The following PRMT2 variants were observed in gnomAD, a reference collection of about 807,000 sequenced individuals.
PRMT2 encodes protein arginine methyltransferase 2.
PRMT2 carries 26 observed loss-of-function variants against 57.6 expected under a neutral mutation model. The ratio of observed to expected loss-of-function variants is 0.45; its 90% CI spans 0.33 to 0.63. PRMT2 has a LOEUF of 0.63. Ranked by LOEUF, PRMT2 falls within the 20% of genes least tolerant of loss-of-function variation. The pLI is 0.02. For missense variants in PRMT2, 472 were observed against 564.4 expected, an observed-to-expected ratio of 0.84 and a Z score of 1.66; for synonymous variants, 219 against 220.0, an observed-to-expected ratio of 1.00 and a Z score of 0.04.
At position 46,648,719 on chromosome 21, in the gene PRMT2, G is replaced by T. The variant is rs2148981329; in HGVS notation, c.489+100G>T. The T allele has an allele frequency of 6.9e-7, 1 of 1,450,356 alleles. No homozygotes were observed. Among genetic ancestry groups the T allele is most frequent in the East Asian group, 2.3e-5 (1 of 43,714 alleles). The allele number at this position is 1,450,356 out of a possible 1,614,324, so 89.8% of individuals were successfully genotyped here. A position where few individuals can be genotyped will look rare whatever the true frequency, so the allele number is the denominator to read the frequency against. On this transcript the variant is annotated intron_variant, in intron 6 of 11. Coordinates refer to ENST00000355680, the MANE Select transcript of PRMT2 (RefSeq NM_206962.4). This position sits in a 1 kb window ranked among gnomAD's most constrained non-coding sequence, Gnocchi z 4.8. ...TGACTTGTGACCCTGAGCTGTTGGG[G>T]GCTCACCGGTGACTCCATGGTCTTG... is the stretch of plus-strand genomic sequence containing the variant.
At chr21:46,647,914 G>A (rs755127885) in intron 5 of PRMT2, among the ~76,000 whole-genome samples, 4 of 152,070 alleles carry the variant, frequency 2.6e-5, no homozygotes, top group Non-Finnish European at 4.4e-5. Flanking sequence ...CCAGTGCTTC[G>A]TCATTTCCAT....
rs751541060 is a variant in PRMT2, at chr21:46,648,425, C to T, written c.328-33C>T. 1.2e-6 allele frequency: 2 copies of T among 1,610,210 alleles called. No individual in the cohort carries two copies. The highest frequency in any genetic ancestry group is 1.1e-5 in the South Asian group (1 of 90,556). On this transcript the variant is annotated intron_variant, in intron 5 of 11. Coordinates refer to ENST00000355680, the MANE Select transcript of PRMT2 (RefSeq NM_206962.4). The surrounding 1 kb of genome is among the most constrained non-coding windows in gnomAD (Gnocchi z 4.8). ...CAGACCTCAGCATGGCTCTAGGTCACAGGCAGTGATTCTGAATGTGCATTT... is the reference window on the plus strand; with the variant it reads ...CAGACCTCAGCATGGCTCTAGGTCATAGGCAGTGATTCTGAATGTGCATTT...
intron 3 of PRMT2, among the ~76,000 whole-genome samples, chr21:46,639,303 AAAGACTATGTAT>A (rs1391064853): frequency 3.9e-5 from 6 of 152,298 alleles, no homozygotes; most frequent in African/African-American, 1.4e-4. Context: ...GAGTACTTGC[AAAGACTATGTAT>A]TCTGCAGTTG....
rs141644343 is a variant in PRMT2 at position 46,656,910 on chromosome 21, A to T, written c.655-1835A>T. 3.7e-3 allele frequency: 558 copies of T among 152,360 alleles called. 2 individuals carry two copies. The highest frequency in any genetic ancestry group is 0.013 in the African/African-American group (526 of 41,576). 9.4% of individuals were successfully genotyped at this position (152,360 alleles called of 1,614,324 possible). A position where few individuals can be genotyped will look rare whatever the true frequency, so the allele number is the denominator to read the frequency against. ...AGCTAAGATTAGGAGAAAATATTGC[A>T]AAGAACATATCCAGTGTGTGTTCTG... is the stretch of plus-strand genomic sequence containing the variant. On this transcript the variant is annotated intron_variant, in intron 7 of 11. Transcript: ENST00000355680.
At chr21:46,640,337 G>T (rs562843169) in intron 3 of PRMT2, among the ~76,000 whole-genome samples, 44 of 150,540 alleles carry the variant, frequency 2.9e-4, no homozygotes, top group Non-Finnish European at 5.6e-4. Flanking sequence ...CTTGCATTCT[G>T]TGTTTTCATG....
chr21:46,650,890 T>C (rs552730396), intron 7 of PRMT2, among the ~76,000 whole-genome samples: 163 of 152,302 alleles, frequency 1.1e-3, no homozygotes, highest in African/African-American at 3.4e-3. Context: ...AGTGGCCGGA[T>C]TGGCCAGACT....
chr21:46,641,123 C>CAAA (rs55728457), intron 3 of PRMT2, among the ~76,000 whole-genome samples: 9,861 of 104,232 alleles, frequency 0.095, 830 homozygotes, highest in African/African-American at 0.14. Context: ...GACCTCATCT[C>CAAA]AAAAAAAAAA....
rs771073046 is a variant in PRMT2, at chr21:46,649,604, A to G, written c.519A>G (p.Ala173=). 3 of 1,614,072 alleles carry G rather than the reference A, an allele frequency of 1.9e-6. No homozygotes were observed. In the African/African-American group the frequency reaches 4.0e-5, roughly 22 times the overall value. ...AVYAVEASEM[A]QHTGQLVLQN... ...ACGCGGTGGAGGCCAGTGAGATGGC[A>G]CAGCACACGGGGCAGCTGGTCCTGC... Residue 173 remains alanine, a synonymous_variant, in exon 7 of 12, where the codon GCA becomes GCG. Transcript: ENST00000355680. This position sits in a 1 kb window ranked among gnomAD's most constrained non-coding sequence, Gnocchi z 4.8.
chr21:46,653,071 A>G lies in PRMT2; in HGVS notation c.654+3332A>G, dbSNP rs866880904. On this transcript the variant is annotated intron_variant, in intron 7 of 11. Coordinates refer to ENST00000355680, the MANE Select transcript of PRMT2 (RefSeq NM_206962.4). The stretch of plus-strand genomic sequence containing the variant: ...TGTTGTTAGTGTATTCGTGCTGTCA[A>G]TATGTGATGAGGACATATTATATTC... 13 of 1,075,418 alleles carry G rather than the reference A, an allele frequency of 1.2e-5. No homozygotes were observed. The Middle Eastern group carries it at 1.2e-3, about 98-fold the overall frequency. 66.6% of individuals were successfully genotyped at this position (1,075,418 alleles called of 1,614,324 possible). A position where few individuals can be genotyped will look rare whatever the true frequency, so the allele number is the denominator to read the frequency against.
At chr21:46,653,236 T>A in intron 7 of PRMT2, 1 of 985,386 alleles carries the variant, frequency 1.0e-6, no homozygotes, top group Non-Finnish European at 1.2e-6. Flanking sequence ...CACAGCCTTG[T>A]ACTGTTTTAT....
intron 9 of PRMT2, chr21:46,661,506 G>A (rs1413998698): frequency 2.0e-5 from 5 of 246,208 alleles, no homozygotes; most frequent in Non-Finnish European, 3.9e-5. Context: ...GCTGTGGAAA[G>A]GCCCAGCCTG....
Position 46,664,600 on chromosome 21 carries a change from T to A in PRMT2, c.*273T>A. ...AGGTGTTCACCCGTGGTGCCCACAG[T>A]GCCGACCCGTGGCTGGGTCGGAGCT... On this transcript the variant is annotated 3_prime_UTR_variant, in exon 12 of 12. Coordinates refer to ENST00000355680, the MANE Select transcript of PRMT2 (RefSeq NM_206962.4). 1 of 550,306 alleles carries A rather than the reference T, an allele frequency of 1.8e-6. No homozygotes were observed. Among genetic ancestry groups the A allele is most frequent in the Non-Finnish European group, 3.3e-6 (1 of 306,274 alleles). 34.1% of individuals were successfully genotyped at this position (550,306 alleles called of 1,614,324 possible).
intron 7 of PRMT2, chr21:46,653,178 GA>G (rs2061487606): frequency 2.0e-6 from 2 of 985,230 alleles, no homozygotes; most frequent in African/African-American, 3.5e-5. Flanking sequence ...CTAAGCAAAA[GA>G]AACAAAGTAA....
chr21:46,660,803 C>CT (rs1489227151), intron 8 of PRMT2, 30 bp from the exon 9 acceptor site: 2 of 1,611,630 alleles, frequency 1.2e-6, no homozygotes, highest in Non-Finnish European at 1.7e-6. Context: ...TGCAATGACT[C>CT]TCAACAGTCG....
chr21:46,661,696 G>C, intron 9 of PRMT2, 104 bp from the exon 10 acceptor site: 4 of 1,162,914 alleles, frequency 3.4e-6, no homozygotes, highest in Non-Finnish European at 4.3e-6. Flanking sequence ...TACGGTTCCT[G>C]ACGCATTCAG....
chr21:46,640,754 A>AT (rs925715525), intron 3 of PRMT2, among the ~76,000 whole-genome samples: 1 of 144,296 alleles, frequency 6.9e-6, no homozygotes, highest in African/African-American at 2.6e-5. Context: ...CTCTTCATTT[A>AT]TTTTTTTCTG....
At chr21:46,652,381 A>G in intron 7 of PRMT2, 1 of 1,084,392 alleles carries the variant, frequency 9.2e-7, no homozygotes, top group Non-Finnish European at 1.1e-6. Flanking sequence ...AAAGAATTGC[A>G]GCTAAAGAAT....
At chr21:46,658,541 C>T in intron 7 of PRMT2, 2 of 846,040 alleles carry the variant, frequency 2.4e-6, no homozygotes, top group South Asian at 4.1e-5. Context: ...GACTTAAACC[C>T]AGGCTGTGAG....
chr21:46,639,806 C>T lies in PRMT2; in HGVS notation c.39+2816C>T, dbSNP rs151108469. The stretch of plus-strand genomic sequence containing the variant: ...AGCTAGTTGGGTCTAGCTCTTAGGT[C>T]TGTTTTTTTGTTTCTCTGTTAAACA... On this transcript the variant is annotated intron_variant, in intron 3 of 11. Coordinates refer to ENST00000355680, the MANE Select transcript of PRMT2 (RefSeq NM_206962.4). Among the ~76,000 whole-genome samples, 758 of 151,558 alleles carry T rather than the reference C, an allele frequency of 5.0e-3. 4 individuals are homozygous for T. The highest frequency in any genetic ancestry group is 8.5e-3 in the Admixed American group (129 of 15,198).
Sources: allele counts gnomAD v4.1 joint callset (sites outside exome capture counted in the v4.1 genomes callset), GRCh38; gene constraint gnomAD v4.1.1; non-coding constraint Gnocchi (gnomAD v3.1); transcripts MANE v1.5; gene names NCBI Gene and HGNC (gene_info 2026-07-23, HGNC 2026-07-21).